The following ACADL variants were observed in gnomAD, a reference collection of about 807,000 sequenced individuals.
ACADL encodes the protein long-chain specific acyl-CoA dehydrogenase, mitochondrial.
In ACADL, 60 loss-of-function variants were observed where a neutral mutation model predicts 56.9. That is an observed-to-expected ratio of 1.05 (90% CI 0.86 to 1.31). ACADL has a LOEUF of 1.31. ACADL is among the 50% of genes most tolerant of loss of function. ACADL has a pLI of 0.00. For missense variants in ACADL, 484 were observed against 525.5 expected (o/e 0.92, Z 0.77); for synonymous variants, 158 against 179.7 (o/e 0.88, Z 0.97).
At chr2:210,205,318 G>A (rs1688865723) in intron 6 of ACADL, among the ~76,000 whole-genome samples, 1 of 152,128 alleles carries the variant, frequency 6.6e-6, no homozygotes, top group African/African-American at 2.4e-5. Context: ...GAGCCACTGT[G>A]CCTGGCCACA....
intron 1 of ACADL, among the ~76,000 whole-genome samples, chr2:210,223,518 G>A (rs367678612): frequency 3.9e-5 from 6 of 152,086 alleles, no homozygotes; most frequent in South Asian, 2.1e-4. Flanking sequence ...GCACATTAAA[G>A]GTAAAAAAGC....
Position 210,220,653 on chromosome 2 carries a change from T to A in ACADL, c.227A>T (p.His76Leu). 6.2e-7 allele frequency: 1 copy of A among 1,613,108 alleles called. No homozygotes were observed. Among genetic ancestry groups the A allele is most frequent in the Non-Finnish European group, 8.5e-7 (1 of 1,179,554 alleles). The stretch of plus-strand genomic sequence containing the variant: ...AGGAAAATGTGCCACTTACTCTGAG[T>A]GATGAGGAATCACTTCTTCTTGGAA... ...KFFQEEVIPHHSEWEKAGEVS... is the reference protein window; with the variant it reads ...KFFQEEVIPHLSEWEKAGEVS... Residue 76 changes from histidine (H) to leucine (L), a missense_variant, in exon 2 of 11, where the codon CAC (histidine) becomes CTC (leucine). By Grantham distance (99) the His-to-Leu change is moderately conservative. Transcript: ENST00000233710.
chr2:210,203,678 CT>C (rs1050772593), intron 7 of ACADL, among the ~76,000 whole-genome samples: 10 of 151,754 alleles, frequency 6.6e-5, no homozygotes, highest in Non-Finnish European at 1.5e-4. Context: ...TTTTTATAAT[CT>C]TTTTAAATTT....
intron 10 of ACADL, among the ~76,000 whole-genome samples, chr2:210,192,551 A>G (rs1163455350): frequency 1.3e-5 from 2 of 152,260 alleles, no homozygotes; most frequent in Non-Finnish European, 1.5e-5. Context: ...CTTCTACATA[A>G]GGATTCAAAT....
chr2:210,192,806 T>C lies in ACADL; in HGVS notation c.1197A>G (p.Ala399=). ...GTGTATCAGAAAACTATACTTACTT[T>C]GCAATTGGGTACTCCCACATGTATC... ...GWGYMWEYPI[A]KAYVDARVQP... is the part of the protein sequence containing the mutation. The change falls in exon 10 of 11, where the codon GCA becomes GCG. Residue 399 remains alanine (A), a splice_region_variant and synonymous_variant. Transcript: ENST00000233710. 1 of 1,611,130 alleles carries C rather than the reference T, an allele frequency of 6.2e-7. No homozygotes were observed. The highest frequency in any genetic ancestry group is 8.5e-7 in the Non-Finnish European group (1 of 1,177,382).
At chr2:210,224,473 G>C (rs1429850349) in intron 1 of ACADL, 19 of 985,212 alleles carry the variant, frequency 1.9e-5, no homozygotes, top group Non-Finnish European at 2.3e-5. Context: ...CTTCCAATTT[G>C]TTTACCCAGT....
chr2:210,212,971 T>C (rs1434735171), intron 4 of ACADL, among the ~76,000 whole-genome samples: 1 of 152,062 alleles, frequency 6.6e-6, no homozygotes, highest in African/African-American at 2.4e-5. Flanking sequence ...CTCATAAGAG[T>C]GGCTTACTGT....
chr2:210,224,435 A>ACCCTTATTAAATAATGAATTCT (rs2125720903), intron 1 of ACADL: 1 of 985,208 alleles, frequency 1.0e-6, no homozygotes, highest in African/African-American at 1.7e-5. Context: ...CAGTTCCTTC[A>ACCCTTATTAAATAATGAATTCT]CCCTTATTAA....
Position 210,210,261 on chromosome 2 carries a change from C to A in ACADL, c.538G>T (p.Asp180Tyr). The part of the protein sequence containing the change: ...IAMTEPGAGS[D>Y]LQGIKTNAKK... ...GCATTTGTTTTTATTCCCTGTAAGT[C>A]ACTGTAATTGAAAGAAAAGATAAAA... is the stretch of plus-strand genomic sequence containing the variant. Residue 180 changes from aspartate (D) to tyrosine (Y), a missense_variant and splice_region_variant, in exon 5 of 11, where the codon GAC (aspartate) becomes TAC (tyrosine). By Grantham distance (160) the Asp-to-Tyr change is radical. Coordinates refer to ENST00000233710, the MANE Select transcript of ACADL (RefSeq NM_001608.4). 1 of 1,604,136 alleles carries A rather than the reference C, an allele frequency of 6.2e-7. No individual in the cohort carries two copies. Among genetic ancestry groups the A allele is most frequent in the South Asian group, 1.1e-5 (1 of 90,352 alleles).
At chr2:210,214,215 C>T (rs1689035910) in intron 4 of ACADL, among the ~76,000 whole-genome samples, 1 of 152,034 alleles carries the variant, frequency 6.6e-6, no homozygotes. Flanking sequence ...ATAGACAGTG[C>T]TCAATCCATC....
intron 4 of ACADL, among the ~76,000 whole-genome samples, chr2:210,211,685 C>T (rs1401957530): frequency 3.3e-5 from 5 of 152,164 alleles, no homozygotes; most frequent in Admixed American, 1.3e-4. Flanking sequence ...TGAGGCCTCC[C>T]AAGCCATGCT....
At chr2:210,225,062 C>G (rs1018702676) in intron 1 of ACADL, 125 bp downstream of exon 1, 25 of 1,498,116 alleles carry the variant, frequency 1.7e-5, no homozygotes, top group Non-Finnish European at 2.2e-5. Context: ...AGCCCGGCGC[C>G]GGAGTTGGGG....
chr2:210,193,667 TG>T (rs1407614840), intron 9 of ACADL, among the ~76,000 whole-genome samples: 2 of 152,144 alleles, frequency 1.3e-5, no homozygotes, highest in African/African-American at 4.8e-5. Flanking sequence ...TCTTTCTTTT[TG>T]TTTGTGAGTC....
chr2:210,201,214 G>A lies in ACADL; in HGVS notation c.984+2117C>T, dbSNP rs559355771. 7.2e-5 allele frequency among the ~76,000 whole-genome samples: 11 copies of A among 152,176 alleles called. No individual in the cohort carries two copies. In the South Asian group the frequency reaches 1.0e-3, roughly 14 times the overall value. On this transcript the variant is annotated intron_variant, in intron 8 of 10. Coordinates refer to ENST00000233710, the MANE Select transcript of ACADL (RefSeq NM_001608.4). ...AATCTGTGAGGCAGGAGAACTGCTC[G>A]CAGGACTTTCTTTCACTTTGCTGAG...
At chr2:210,222,411 C>T (rs1689189804) in intron 1 of ACADL, among the ~76,000 whole-genome samples, 1 of 149,366 alleles carries the variant, frequency 6.7e-6, no homozygotes. Context: ...AATCCCAGCA[C>T]TTTGGGAGGC....
intron 4 of ACADL, among the ~76,000 whole-genome samples, chr2:210,216,087 A>T (rs1291740225): frequency 1.3e-5 from 2 of 152,220 alleles, no homozygotes; most frequent in African/African-American, 4.8e-5. Context: ...TGTGAATCTC[A>T]TCCTACACCT....
rs995143331 is a variant in ACADL at position 210,188,624 on chromosome 2, A to T, written c.*337T>A. On this transcript the variant is annotated 3_prime_UTR_variant, in exon 11 of 11. Coordinates refer to ENST00000233710, the MANE Select transcript of ACADL (RefSeq NM_001608.4). The stretch of plus-strand genomic sequence containing the variant: ...TTATTAATGTTTTTATACTATAGCG[A>T]CATAAAATTATTTCTGCCTTGGTTT... The T allele has an allele frequency of 5.8e-5, 14 of 243,108 alleles. No individual in the cohort carries two copies. Among genetic ancestry groups the T allele is most frequent in the African/African-American group, 3.2e-4 (14 of 43,426 alleles). The allele number at this position is 243,108 out of a possible 1,614,324, so 15.1% of individuals were successfully genotyped here. A position where few individuals can be genotyped will look rare whatever the true frequency, so the allele number is the denominator to read the frequency against.
chr2:210,220,611 A>G, intron 2 of ACADL, 36 bp downstream of exon 2: 3 of 1,595,250 alleles, frequency 1.9e-6, no homozygotes, highest in Non-Finnish European at 1.7e-6. Flanking sequence ...TAATACCCCT[A>G]GTATACATTA....
At chr2:210,205,857 T>G in intron 5 of ACADL, 61 bp from the exon 6 acceptor site, 2 of 1,593,604 alleles carry the variant, frequency 1.3e-6, no homozygotes, top group Non-Finnish European at 1.7e-6. Context: ...GTGCAAGTTA[T>G]GATTGGGAGA....
Sources: gnomAD v4.1 joint callset for allele counts (sites outside exome capture counted in the v4.1 genomes callset) on GRCh38, gnomAD v4.1.1 for gene constraint, MANE v1.5 for transcripts, NCBI Gene and HGNC (gene_info 2026-07-23, HGNC 2026-07-21) for gene names.